The following THADA variants were observed in gnomAD, a reference collection of about 807,000 sequenced individuals.
THADA encodes tRNA (32-2'-O)-methyltransferase regulator THADA.
In THADA, 213 loss-of-function variants were observed where a neutral mutation model predicts 219.8. The ratio of observed to expected loss-of-function variants is 0.97; its 90% CI spans 0.87 to 1.09. The LOEUF is 1.09. Among genes scored for constraint, THADA ranks in the 50% least tolerant of loss-of-function variants. The pLI is 0.00. For synonymous variants in THADA, 1,018 were observed against 828.9 expected, an observed-to-expected ratio of 1.23 and a Z score of -3.92; for missense variants, 2,956 against 2,311.3, an observed-to-expected ratio of 1.28 and a Z score of -5.72.
At chr2:43,349,582 T>C (rs1024484748) in intron 29 of THADA, among the ~76,000 whole-genome samples, 13 of 152,180 alleles carry the variant, frequency 8.5e-5, no homozygotes, top group Admixed American at 4.6e-4. Flanking sequence ...TCACCAAGCA[T>C]GGCTTCCAGG....
chr2:43,509,595 A>G (rs1690130332), intron 22 of THADA, among the ~76,000 whole-genome samples: 1 of 152,190 alleles, frequency 6.6e-6, no homozygotes, highest in South Asian at 2.1e-4. Context: ...CAGAAAGATA[A>G]CTGATTTCCA....
At chr2:43,561,615 T>A (rs549685083) in intron 15 of THADA, among the ~76,000 whole-genome samples, 7 of 152,386 alleles carry the variant, frequency 4.6e-5, no homozygotes, top group African/African-American at 1.7e-4. Flanking sequence ...ACTTCTCATT[T>A]AATTTTAATT....
At chr2:43,508,219 G>GT (rs774921658) in intron 23 of THADA, among the ~76,000 whole-genome samples, 3 of 152,154 alleles carry the variant, frequency 2.0e-5, no homozygotes, top group Non-Finnish European at 4.4e-5. Context: ...ATGGATGGAC[G>GT]TTTTATAGGA....
Position 43,577,205 on chromosome 2 carries a change from CTGG to C in THADA, c.851_853del (p.Thr284del). ...GCTGCTCATAAACCACTCGGGGACA[CTGG>C]TGCAGTCCACTGAACGAAGCAGCAC... On this transcript the variant is annotated inframe_deletion, in exon 10 of 38. Transcript: ENST00000405975. 6.2e-7 allele frequency: 1 copy of C among 1,601,454 alleles called. No homozygotes were observed. The highest frequency in any genetic ancestry group is 8.5e-7 in the Non-Finnish European group (1 of 1,174,162).
At chr2:43,439,063 G>T (rs1191043981) in intron 26 of THADA, among the ~76,000 whole-genome samples, 1 of 152,100 alleles carries the variant, frequency 6.6e-6, no homozygotes, top group Admixed American at 6.6e-5. Flanking sequence ...GTCTCTTTCT[G>T]GTTTTTCCAC....
chr2:43,469,270 G>A (rs944575064), intron 26 of THADA, among the ~76,000 whole-genome samples: 1 of 152,164 alleles, frequency 6.6e-6, no homozygotes, highest in Non-Finnish European at 1.5e-5. Flanking sequence ...ATTAGAGTGT[G>A]TTTATTTGTT....
At position 43,577,241 on chromosome 2, in the gene THADA, A is replaced by G. The variant is rs762135972; in HGVS notation, c.818T>C (p.Ile273Thr). 1.3e-5 allele frequency: 21 copies of G among 1,578,856 alleles called. No individual in the cohort carries two copies. Among genetic ancestry groups the G allele is most frequent in the Non-Finnish European group, 1.7e-5 (20 of 1,162,034 alleles). ...FHPSEKIPHL[I>T]SSVLLRSVDC... is the part of the protein sequence containing the mutation. ...CACTGAACGAAGCAGCACACTGCTA[A>G]TCTGGAAAAATATAGCAGAGCTAAC... The change falls in exon 10 of 38, where the codon ATT (isoleucine) becomes ACT (threonine). Residue 273 changes from isoleucine (I) to threonine (T), a missense_variant and splice_region_variant. Coordinates refer to ENST00000405975, the MANE Select transcript of THADA (RefSeq NM_022065.5).
chr2:43,322,372 C>T (rs185733718), intron 30 of THADA, among the ~76,000 whole-genome samples: 2 of 151,706 alleles, frequency 1.3e-5, no homozygotes, highest in African/African-American at 2.4e-5. Flanking sequence ...GGCAGGGTGG[C>T]GGGCGCCTGT....
At chr2:43,517,474 T>C (rs770997919) in intron 22 of THADA, among the ~76,000 whole-genome samples, 2 of 152,138 alleles carry the variant, frequency 1.3e-5, no homozygotes, top group African/African-American at 2.4e-5. Context: ...AATAGTTTAC[T>C]TACAAAGCAC....
chr2:43,395,047 G>C (rs1303334589), intron 29 of THADA, among the ~76,000 whole-genome samples: 1 of 152,146 alleles, frequency 6.6e-6, no homozygotes, highest in East Asian at 1.9e-4. Context: ...TTTGTTGCTG[G>C]GCAGACTGGT....
intron 31 of THADA, among the ~76,000 whole-genome samples, chr2:43,311,993 G>A (rs1677567164): frequency 6.6e-6 from 1 of 152,140 alleles, no homozygotes; most frequent in Non-Finnish European, 1.5e-5. Flanking sequence ...AAGCCCAGAA[G>A]TTTGAGACCA....
At chr2:43,472,160 G>A (rs1016375650) in intron 26 of THADA, among the ~76,000 whole-genome samples, 3 of 152,154 alleles carry the variant, frequency 2.0e-5, no homozygotes, top group Non-Finnish European at 4.4e-5. Flanking sequence ...GATCTTCATG[G>A]GACAGCCAAC....
chr2:43,376,014 T>C (rs1441097699), intron 29 of THADA, among the ~76,000 whole-genome samples: 1 of 152,212 alleles, frequency 6.6e-6, no homozygotes. Flanking sequence ...TGAAGCCAGA[T>C]AAACATTGTG....
At chr2:43,320,622 T>C in intron 30 of THADA, 82 bp from the exon 31 acceptor site, 1 of 984,576 alleles carries the variant, frequency 1.0e-6, no homozygotes, top group African/African-American at 1.6e-5. Flanking sequence ...ATGGGTATTT[T>C]CTATGGTATA....
At position 43,376,346 on chromosome 2, in the gene THADA, G is replaced by C. The variant is rs1351612599; in HGVS notation, c.4227+21625C>G. On this transcript the variant is annotated intron_variant, in intron 29 of 37. Coordinates refer to ENST00000405975, the MANE Select transcript of THADA (RefSeq NM_022065.5). Reference sequence around the variant, plus strand: ...AGAACCATCTGCTCTTCAAAAAATGGTCTCCATTTGGCTTAAGTCATTTTC... The same window carrying C: ...AGAACCATCTGCTCTTCAAAAAATGCTCTCCATTTGGCTTAAGTCATTTTC... Among the ~76,000 whole-genome samples the C allele has an allele frequency of 3.3e-5, 5 of 152,238 alleles. No individual in the cohort carries two copies. In the East Asian group the frequency reaches 9.6e-4, roughly 29 times the overall value.
intron 30 of THADA, among the ~76,000 whole-genome samples, chr2:43,327,653 C>T (rs559251446): frequency 6.6e-6 from 1 of 152,152 alleles, no homozygotes; most frequent in African/African-American, 2.4e-5. Context: ...CACCTATAAT[C>T]CCAGCTACTC....
chr2:43,299,767 C>A (rs923955990), intron 31 of THADA, among the ~76,000 whole-genome samples: 1 of 152,082 alleles, frequency 6.6e-6, no homozygotes, highest in South Asian at 2.1e-4. Context: ...TGGCTCATGC[C>A]TGTAATCCCA....
intron 31 of THADA, among the ~76,000 whole-genome samples, chr2:43,295,649 A>C (rs913221412): frequency 2.6e-5 from 4 of 152,260 alleles, no homozygotes; most frequent in African/African-American, 9.6e-5. Context: ...TTATCATCTC[A>C]TTATAACTCA....
intron 29 of THADA, among the ~76,000 whole-genome samples, chr2:43,377,265 C>T (rs1195537378): frequency 6.6e-6 from 1 of 152,148 alleles, no homozygotes. Flanking sequence ...CTTATATGTG[C>T]CATTACCACA....
Sources: gnomAD v4.1 joint callset for allele counts (sites outside exome capture counted in the v4.1 genomes callset) on GRCh38, gnomAD v4.1.1 for gene constraint, MANE v1.5 for transcripts, NCBI Gene and HGNC (gene_info 2026-07-23, HGNC 2026-07-21) for gene names.